ZP4: variants seen among roughly 807,000 people sequenced by gnomAD.
ZP4 encodes zona pellucida sperm-binding protein 4.
In ZP4, 62 loss-of-function variants were observed where a neutral mutation model predicts 62.3. The observed-to-expected ratio is 0.99, with a 90% CI of 0.81 to 1.23. The LOEUF (loss-of-function observed/expected upper bound fraction) is 1.23, where lower values mean the gene tolerates loss of function less well. Among genes scored for constraint, ZP4 ranks in the 50% most tolerant of loss-of-function variants. The pLI is 0.00. For missense variants in ZP4, 774 were observed against 656.0 expected (o/e 1.18, Z -1.97); for synonymous variants, 289 against 247.3 (o/e 1.17, Z -1.58).
At chr1:237,883,423 A>T (rs1304375814) in intron 10 of ZP4, among the ~76,000 whole-genome samples, 1 of 150,918 alleles carries the variant, frequency 6.6e-6, no homozygotes, top group Non-Finnish European at 1.5e-5. Context: ...CTATAAAAAA[A>T]TAAGACAAAG....
chr1:237,885,315 G>A lies in ZP4; in HGVS notation c.1161C>T (p.Gly387=), dbSNP rs1665071533. ...SQPQWPILVK[G]CPYIGDNYQT... ...GATAGTTGTCTCCAATGTAGGGGCAGCTAGACCAAGAGACCCAGCAGTCAG... is the reference window on the plus strand; with the variant it reads ...GATAGTTGTCTCCAATGTAGGGGCAACTAGACCAAGAGACCCAGCAGTCAG... Residue 387 remains glycine, a splice_region_variant and synonymous_variant, in exon 9 of 12, where the codon GGC becomes GGT. Coordinates refer to ENST00000366570, the MANE Select transcript of ZP4 (RefSeq NM_021186.5). The A allele has an allele frequency of 6.2e-7, 1 of 1,613,792 alleles. No homozygotes were observed. The highest frequency in any genetic ancestry group is 1.7e-5 in the Admixed American group (1 of 59,980).
At position 237,888,406 on chromosome 1, in the gene ZP4, A is replaced by G; in HGVS notation, c.505T>C (p.Cys169Arg). The part of the protein sequence containing the change: ...ISRGDCEGLG[C>R]CYSSEEVNSC... ...TTCACCTCTTCAGAGCTATAACAAC[A>G]GCCTAGCCCTTCACAGTCTCCTCGA... Residue 169 changes from cysteine (C) to arginine (R), a missense_variant, in exon 4 of 12, where the codon TGT becomes CGT. Cys to Arg is a radical substitution (Grantham distance 180). Coordinates refer to ENST00000366570, the MANE Select transcript of ZP4 (RefSeq NM_021186.5). 6.2e-7 allele frequency: 1 copy of G among 1,608,036 alleles called. No homozygotes were observed. The highest frequency in any genetic ancestry group is 8.5e-7 in the Non-Finnish European group (1 of 1,175,844).
intron 10 of ZP4, among the ~76,000 whole-genome samples, chr1:237,884,025 CACACACAAACACACACAAACACACACAA>C (rs1558531147): frequency 5.7e-4 from 58 of 101,512 alleles, no homozygotes; most frequent in Middle Eastern, 5.7e-3. Flanking sequence ...CAAACACACA[CACACACAAACACACACAAACACACACAA>C]ACACACACAA....
rs541586030 is a variant in ZP4 at position 237,889,022 on chromosome 1, A to T, written c.401-512T>A. 2.0e-5 allele frequency among the ~76,000 whole-genome samples: 3 copies of T among 152,294 alleles called. No homozygotes were observed. The East Asian group carries it at 5.8e-4, about 29-fold the overall frequency. On this transcript the variant is annotated intron_variant, in intron 3 of 11. Coordinates refer to ENST00000366570, the MANE Select transcript of ZP4 (RefSeq NM_021186.5). ...GTTCTGACTTTGAGGACGGGCTCTC[A>T]GTCAGGCGAGACTTTCTAAAGTTGA...
chr1:237,884,820 A>C lies in ZP4; in HGVS notation c.1339T>G (p.Cys447Gly), dbSNP rs1310008901. ...PVHLHCSVSV[C>G]QPAETPSCVV... ...CAGGATGGTGTCTCAGCAGGCTGGC[A>C]GACTGACACGCTGCAGTGCAGATGC... The change falls in exon 10 of 12, where the codon TGC becomes GGC. Residue 447 changes from cysteine (C) to glycine (G), a missense_variant. By Grantham distance (159) the Cys-to-Gly change is radical (BLOSUM62 -3). Transcript: ENST00000366570. 6.2e-7 allele frequency: 1 copy of C among 1,613,676 alleles called. No homozygotes were observed. Among genetic ancestry groups the C allele is most frequent in the Non-Finnish European group, 8.5e-7 (1 of 1,179,840 alleles).
In ZP4 at chr1:237,886,828, G is replaced by C. The variant is rs756199399; in HGVS notation, c.782C>G (p.Ala261Gly). ...DRAVYENELV[A>G]TRDVKNGSRG... ...GCTCCCATTTTTCACATCCCTAGTT[G>C]CCACCAGTTCATTTTCATATACTGC... The change falls in exon 6 of 12, where the codon GCA becomes GGA. Residue 261 changes from alanine to glycine, a missense_variant. Coordinates refer to ENST00000366570, the MANE Select transcript of ZP4 (RefSeq NM_021186.5). 1.2e-6 allele frequency: 2 copies of C among 1,614,016 alleles called. No individual in the cohort carries two copies. The highest frequency in any genetic ancestry group is 2.2e-5 in the East Asian group (1 of 44,864).
intron 4 of ZP4, among the ~76,000 whole-genome samples, 157 bp downstream of exon 4, chr1:237,888,201 A>G (rs560105368): frequency 1.5e-4 from 23 of 152,364 alleles, no homozygotes; most frequent in African/African-American, 5.5e-4. Flanking sequence ...TGGGAGTTGT[A>G]GAAGTCTGTT....
In ZP4 at chr1:237,885,237, G is replaced by T. The variant is rs1665069207; in HGVS notation, c.1239C>A (p.His413Gln). ...AGGTGAAGATGCTGAAGCGCTGGTG[G>T]TGAGAGGGAAATGGAAGATCCAAGG... ...QKALDLPFPS[H>Q]HQRFSIFTFS... The change falls in exon 9 of 12, where the codon CAC (histidine) becomes CAA (glutamine). Residue 413 changes from histidine (H) to glutamine (Q), a missense_variant. Transcript: ENST00000366570. 6.2e-7 allele frequency: 1 copy of T among 1,614,186 alleles called. No individual in the cohort carries two copies. The highest frequency in any genetic ancestry group is 1.3e-5 in the African/African-American group (1 of 75,046).
intron 10 of ZP4, among the ~76,000 whole-genome samples, chr1:237,883,734 A>G (rs183007505): frequency 1.5e-4 from 6 of 40,788 alleles, no homozygotes; most frequent in African/African-American, 5.3e-4. Context: ...CGGGGGAGGG[A>G]GAGAGAGGGA....
Position 237,888,404 on chromosome 1 carries a change from A to G in ZP4, c.507T>C (p.Cys169=). 6.2e-7 allele frequency: 1 copy of G among 1,607,894 alleles called. No homozygotes were observed. The part of the protein sequence containing the change: ...ISRGDCEGLG[C]CYSSEEVNSC... ...AATTCACCTCTTCAGAGCTATAACA[A>G]CAGCCTAGCCCTTCACAGTCTCCTC... The change falls in exon 4 of 12, where the codon TGT becomes TGC. Residue 169 remains cysteine (C), a synonymous_variant. Coordinates refer to ENST00000366570, the MANE Select transcript of ZP4 (RefSeq NM_021186.5).
Position 237,888,580 on chromosome 1 carries a change from A to T in ZP4, c.401-70T>A, listed in dbSNP as rs1336401524. 2.0e-6 allele frequency: 3 copies of T among 1,472,848 alleles called. No individual in the cohort carries two copies. The African/African-American group carries it at 4.2e-5, about 20-fold the overall frequency. The allele number at this position is 1,472,848 out of a possible 1,614,324, so 91.2% of individuals were successfully genotyped here. ...TAGTCTTGAATACCATTTTGATACA[A>T]GTCATTGACTTTGGATTCCTGTAGA... On this transcript the variant is annotated intron_variant, in intron 3 of 11. Transcript: ENST00000366570.
At position 237,890,114 on chromosome 1, in the gene ZP4, C is replaced by A. The variant is rs889393115; in HGVS notation, c.238G>T (p.Gly80Cys). 3 of 1,614,022 alleles carry A rather than the reference C, an allele frequency of 1.9e-6. No individual in the cohort carries two copies. The highest frequency in any genetic ancestry group is 2.5e-6 in the Non-Finnish European group (3 of 1,180,022). ...DSDCGTWIRK[G>C]PGSSVVLEAT... Reference sequence around the variant, plus strand: ...TCCAACACCACGGAGCTGCCTGGACCTTTTCTTATCCAGGTGCCACAGTCG... The same window carrying A: ...TCCAACACCACGGAGCTGCCTGGACATTTTCTTATCCAGGTGCCACAGTCG... The change falls in exon 2 of 12, where the codon GGT becomes TGT. Residue 80 changes from glycine (G) to cysteine (C), a missense_variant. Physicochemically the swap from Gly to Cys is radical, Grantham distance 159. Transcript: ENST00000366570.
At chr1:237,883,850 G>T (rs986740572) in intron 10 of ZP4, among the ~76,000 whole-genome samples, 3 of 147,658 alleles carry the variant, frequency 2.0e-5, no homozygotes, top group Non-Finnish European at 4.5e-5. Flanking sequence ...TGTAGTTTTA[G>T]TTGGGAGGCT....
At chr1:237,884,402 T>TGA in intron 10 of ZP4, among the ~76,000 whole-genome samples, 1 of 152,190 alleles carries the variant, frequency 6.6e-6, no homozygotes, top group African/African-American at 2.4e-5. Flanking sequence ...GTCCAGTCAT[T>TGA]CTACTTATAG....
Position 237,885,147 on chromosome 1 carries a change from T to C in ZP4, c.1311+18A>G, listed in dbSNP as rs1268378324. ...AGGTTCAGAGCCCTGGTGAGTGTCA[T>C]GGAAGGGAACATCCTACCGGTCCCC... On this transcript the variant is annotated intron_variant, in intron 9 of 11. Coordinates refer to ENST00000366570, the MANE Select transcript of ZP4 (RefSeq NM_021186.5). The C allele has an allele frequency of 6.2e-7, 1 of 1,610,990 alleles. No homozygotes were observed. Among genetic ancestry groups the C allele is most frequent in the East Asian group, 2.2e-5 (1 of 44,860 alleles).
At chr1:237,887,152 A>T (rs1358738585) in intron 5 of ZP4, among the ~76,000 whole-genome samples, 1 of 152,190 alleles carries the variant, frequency 6.6e-6, no homozygotes, top group Non-Finnish European at 1.5e-5. Flanking sequence ...ACGGTAAATG[A>T]CAGCCCCTTA....
At chr1:237,886,371 T>A (rs1307821694) in intron 6 of ZP4, among the ~76,000 whole-genome samples, 1 of 151,634 alleles carries the variant, frequency 6.6e-6, no homozygotes, top group Non-Finnish European at 1.5e-5. Context: ...AGGGTCCTGA[T>A]GTTCATCTTA....
intron 3 of ZP4, among the ~76,000 whole-genome samples, chr1:237,889,247 T>A (rs1341869): frequency 0.18 from 27,559 of 151,942 alleles, 2,769 homozygotes; most frequent in East Asian, 0.38. Flanking sequence ...GAGAGTTCTT[T>A]GAATCCCAGC....
At chr1:237,884,007 C>A (rs753536934) in intron 10 of ZP4, among the ~76,000 whole-genome samples, 4,010 of 90,966 alleles carry the variant, frequency 0.044, 118 homozygotes, top group East Asian at 0.074. Context: ...CACACACACA[C>A]ACACACACAA....
Sources: allele counts gnomAD v4.1 joint callset (sites outside exome capture counted in the v4.1 genomes callset), GRCh38; gene constraint gnomAD v4.1.1; transcripts MANE v1.5; gene names NCBI Gene and HGNC (gene_info 2026-07-23, HGNC 2026-07-21).